The following DPP10 variants were observed in gnomAD, a reference collection of about 807,000 sequenced individuals.
The protein encoded by DPP10 is inactive dipeptidyl peptidase 10.
DPP10 carries 33 observed loss-of-function variants against 120.9 expected under a neutral mutation model. That is an observed-to-expected ratio of 0.27 (90% CI 0.21 to 0.37). The LOEUF (loss-of-function observed/expected upper bound fraction) is 0.37. Among genes scored for constraint, DPP10 ranks in the 10% least tolerant of loss-of-function variants. DPP10 has a pLI of 1.00. For missense variants in DPP10, 816 were observed against 942.8 expected, an observed-to-expected ratio of 0.87 and a Z score of 1.76; for synonymous variants, 337 against 326.1, an observed-to-expected ratio of 1.03 and a Z score of -0.36.
intron 1 of DPP10, among the ~76,000 whole-genome samples, chr2:114,983,285 T>C (rs1475571507): frequency 5.3e-5 from 8 of 152,186 alleles, no homozygotes; most frequent in African/African-American, 1.9e-4. Flanking sequence ...TGACACATTC[T>C]AGATGCTTTA....
At chr2:114,846,587 T>C (rs1688566620) in intron 1 of DPP10, among the ~76,000 whole-genome samples, 1 of 152,092 alleles carries the variant, frequency 6.6e-6, no homozygotes, top group African/African-American at 2.4e-5. Flanking sequence ...TGTTTTTTTT[T>C]TTTCCTGTCT....
chr2:115,614,575 G>A (rs1464461861), intron 5 of DPP10, among the ~76,000 whole-genome samples: 2 of 152,016 alleles, frequency 1.3e-5, no homozygotes, highest in Admixed American at 6.6e-5. Context: ...ATAGGCATAC[G>A]CCACCACACC....
rs574898158 is a variant in DPP10, at chr2:114,795,081, G to A, written c.60+352243G>A. ...GAAATTTTTTAAACTTATTCTTTAC[G>A]GTATATTCAGGTATTTAAAAGTTCA... On this transcript the variant is annotated intron_variant, in intron 1 of 25. Coordinates refer to ENST00000410059, the MANE Select transcript of DPP10 (RefSeq NM_020868.6). Among the ~76,000 whole-genome samples the A allele has an allele frequency of 1.2e-4, 18 of 151,978 alleles. No individual in the cohort carries two copies. The South Asian group carries it at 1.4e-3, about 12-fold the overall frequency.
intron 1 of DPP10, among the ~76,000 whole-genome samples, chr2:115,020,121 A>G (rs1413851832): frequency 6.6e-6 from 1 of 152,178 alleles, no homozygotes; most frequent in Non-Finnish European, 1.5e-5. Flanking sequence ...AGTTATTCAG[A>G]CAACAAACAG....
intron 2 of DPP10, among the ~76,000 whole-genome samples, chr2:115,309,813 A>C (rs953361646): frequency 6.6e-6 from 1 of 152,036 alleles, no homozygotes; most frequent in African/African-American, 2.4e-5. Flanking sequence ...TTGGACACCT[A>C]TTTCTTGTGT....
chr2:115,415,838 CT>C (rs199934358), intron 3 of DPP10, among the ~76,000 whole-genome samples: 1,306 of 44,268 alleles, frequency 0.03, 27 homozygotes, highest in African/African-American at 0.067. Flanking sequence ...ACCTGATTTG[CT>C]TTTATATATA....
At chr2:114,969,520 T>C (rs1310773215) in intron 1 of DPP10, among the ~76,000 whole-genome samples, 1 of 152,178 alleles carries the variant, frequency 6.6e-6, no homozygotes, top group African/African-American at 2.4e-5. Context: ...CAAGAATTCT[T>C]TTACAAAATT....
At chr2:115,766,173 T>C (rs1680683655) in intron 12 of DPP10, among the ~76,000 whole-genome samples, 1 of 151,510 alleles carries the variant, frequency 6.6e-6, no homozygotes, top group South Asian at 2.1e-4. Flanking sequence ...TATGTAAATA[T>C]GAGATTAGTG....
chr2:115,353,153 T>A (rs555027200), intron 3 of DPP10, among the ~76,000 whole-genome samples: 1 of 152,112 alleles, frequency 6.6e-6, no homozygotes, highest in African/African-American at 2.4e-5. Context: ...CTAGGAGAAA[T>A]CGGTTTGAGT....
chr2:115,421,343 A>G (rs1223514907), intron 3 of DPP10, among the ~76,000 whole-genome samples: 1 of 152,184 alleles, frequency 6.6e-6, no homozygotes, highest in Non-Finnish European at 1.5e-5. Flanking sequence ...TGAATGGAAA[A>G]TAGGTGGAAA....
At chr2:115,644,559 C>T (rs995590390) in intron 5 of DPP10, among the ~76,000 whole-genome samples, 1 of 151,632 alleles carries the variant, frequency 6.6e-6, no homozygotes, top group African/African-American at 2.4e-5. Flanking sequence ...TTACTTGAGG[C>T]TAGGAGTTCC....
chr2:114,902,458 T>G (rs968071997), intron 1 of DPP10, among the ~76,000 whole-genome samples: 2 of 152,198 alleles, frequency 1.3e-5, no homozygotes, highest in African/African-American at 4.8e-5. Flanking sequence ...TAATATCACA[T>G]TTTCTTGATT....
At chr2:114,566,663 G>T (rs982356092) in intron 1 of DPP10, among the ~76,000 whole-genome samples, 1 of 152,210 alleles carries the variant, frequency 6.6e-6, no homozygotes, top group Non-Finnish European at 1.5e-5. Flanking sequence ...CCAGGTAGCA[G>T]TTGAAAGGCA....
chr2:115,375,412 C>T (rs1249959854), intron 3 of DPP10, among the ~76,000 whole-genome samples: 1 of 152,196 alleles, frequency 6.6e-6, no homozygotes, highest in Non-Finnish European at 1.5e-5. Context: ...TCATTATCTG[C>T]ATCACTATCA....
intron 7 of DPP10, among the ~76,000 whole-genome samples, chr2:115,724,798 G>A (rs1451759761): frequency 6.6e-6 from 1 of 152,154 alleles, no homozygotes; most frequent in Non-Finnish European, 1.5e-5. Context: ...ACATCTGCTC[G>A]GCTTCTGGGA....
chr2:115,717,710 G>A (rs1411124781), intron 7 of DPP10, among the ~76,000 whole-genome samples: 2 of 152,184 alleles, frequency 1.3e-5, no homozygotes, highest in Non-Finnish European at 2.9e-5. Flanking sequence ...TTGAACATAG[G>A]AATGTGTTCA....
At chr2:115,504,920 G>T (rs1328853271) in intron 4 of DPP10, among the ~76,000 whole-genome samples, 1 of 152,132 alleles carries the variant, frequency 6.6e-6, no homozygotes, top group Non-Finnish European at 1.5e-5. Context: ...TTGCTTCTAT[G>T]TGTTTGCAAG....
rs191028794 is a variant in DPP10, at chr2:115,683,349, G to A, written c.442-6338G>A. On this transcript the variant is annotated intron_variant, in intron 5 of 25. Transcript: ENST00000410059. ...TTGCTCGGGATTAGGATGGAAGAAG[G>A]GATGAACTCGTGGAACACACAGAAT... is the stretch of plus-strand genomic sequence containing the variant. 1.4e-3 allele frequency among the ~76,000 whole-genome samples: 211 copies of A among 152,062 alleles called. 1 individual carries two copies. The highest frequency in any genetic ancestry group is 2.2e-3 in the Non-Finnish European group (148 of 67,842).
intron 19 of DPP10, among the ~76,000 whole-genome samples, chr2:115,799,276 A>G (rs1448174691): frequency 6.6e-6 from 1 of 151,984 alleles, no homozygotes; most frequent in Non-Finnish European, 1.5e-5. Flanking sequence ...GTTGCACAAA[A>G]CATGCTGCAT....
Sources: gnomAD v4.1 joint callset for allele counts (sites outside exome capture counted in the v4.1 genomes callset) on GRCh38, gnomAD v4.1.1 for gene constraint, MANE v1.5 for transcripts, NCBI Gene and HGNC (gene_info 2026-07-23, HGNC 2026-07-21) for gene names.